CDH8: variants seen among roughly 807,000 people sequenced by gnomAD.
CDH8 encodes cadherin-8.
Under a neutral mutation model 68.1 loss-of-function variants are expected in CDH8, and 17 were observed. The ratio of observed to expected loss-of-function variants is 0.25; its 90% CI spans 0.17 to 0.37. The LOEUF is 0.37. Among genes scored for constraint, CDH8 ranks in the 10% least tolerant of loss-of-function variants. The probability of loss-of-function intolerance (pLI) is 1.00; values close to 1 mark genes in which losing one functional copy is unlikely to be tolerated. For synonymous variants in CDH8, 372 were observed against 365.1 expected (o/e 1.02, Z -0.21); for missense variants, 763 against 999.3 (o/e 0.76, Z 3.19).
intron 2 of CDH8, among the ~76,000 whole-genome samples, chr16:61,952,998 G>A (rs1964921675): frequency 6.6e-6 from 1 of 152,072 alleles, no homozygotes; most frequent in Admixed American, 6.5e-5. Flanking sequence ...GAGGATGGTA[G>A]GAGGTAGGGC....
chr16:61,864,946 TGCTTGCCA>T (rs1462896662), intron 3 of CDH8, among the ~76,000 whole-genome samples: 1 of 152,312 alleles, frequency 6.6e-6, no homozygotes, highest in East Asian at 1.9e-4. Context: ...AGGCAGCATG[TGCTTGCCA>T]TTTTGCTTCA....
intron 8 of CDH8, among the ~76,000 whole-genome samples, chr16:61,788,279 T>A (rs1434971140): frequency 2.0e-5 from 3 of 152,098 alleles, no homozygotes. Context: ...ACAGAGATAT[T>A]TCCCCTGTTT....
At chr16:61,822,120 C>T (rs1402432838) in intron 5 of CDH8, among the ~76,000 whole-genome samples, 1 of 136,548 alleles carries the variant, frequency 7.3e-6, no homozygotes, top group African/African-American at 2.7e-5. Flanking sequence ...TTTTTCTTTT[C>T]TTTTCCTTCT....
chr16:61,848,799 G>A (rs1363139394), intron 4 of CDH8, among the ~76,000 whole-genome samples: 1 of 151,986 alleles, frequency 6.6e-6, no homozygotes, highest in Non-Finnish European at 1.5e-5. Flanking sequence ...ACAAATCAAT[G>A]AGATGTAAAG....
At chr16:61,807,532 A>C (rs1478027080) in intron 7 of CDH8, among the ~76,000 whole-genome samples, 4 of 152,278 alleles carry the variant, frequency 2.6e-5, no homozygotes, top group Non-Finnish European at 5.9e-5. Context: ...AATTCAGTAA[A>C]ATTACTTCAT....
chr16:61,897,614 T>A (rs1420518493), intron 3 of CDH8, among the ~76,000 whole-genome samples: 1 of 152,192 alleles, frequency 6.6e-6, no homozygotes, highest in Admixed American at 6.5e-5. Context: ...AGATATAGGC[T>A]TGGCATGAAG....
At chr16:61,765,856 G>T (rs1455270433) in intron 8 of CDH8, among the ~76,000 whole-genome samples, 1 of 151,902 alleles carries the variant, frequency 6.6e-6, no homozygotes, top group Non-Finnish European at 1.5e-5. Context: ...GACTCCATGT[G>T]ATACTGAATT....
At chr16:62,028,493 C>T (rs946877329) in intron 1 of CDH8, among the ~76,000 whole-genome samples, 2 of 152,144 alleles carry the variant, frequency 1.3e-5, no homozygotes, top group Admixed American at 6.5e-5. Flanking sequence ...TCTCCTCCTC[C>T]TTCTTTCCCA....
At chr16:61,750,607 T>C (rs1177709068) in intron 8 of CDH8, among the ~76,000 whole-genome samples, 1 of 152,068 alleles carries the variant, frequency 6.6e-6, no homozygotes, top group Non-Finnish European at 1.5e-5. Context: ...TTGACTCTAG[T>C]TTATTATACA....
At chr16:61,739,735 AAAAG>A (rs1458183637) in intron 8 of CDH8, among the ~76,000 whole-genome samples, 23 of 72,344 alleles carry the variant, frequency 3.2e-4, no homozygotes, top group Middle Eastern at 7.2e-3. Context: ...CTCAAAAAAA[AAAAG>A]AAAAGAAAAG....
chr16:61,938,526 A>G (rs1287795044), intron 2 of CDH8, among the ~76,000 whole-genome samples: 1 of 152,188 alleles, frequency 6.6e-6, no homozygotes, highest in Non-Finnish European at 1.5e-5. Context: ...TTGCAAATAT[A>G]CTTGCTAAAT....
At chr16:61,997,691 A>G (rs1965828349) in intron 2 of CDH8, among the ~76,000 whole-genome samples, 1 of 152,144 alleles carries the variant, frequency 6.6e-6, no homozygotes, top group African/African-American at 2.4e-5. Flanking sequence ...TAGCATCATC[A>G]ATATTGAGAT....
chr16:61,685,528 T>TTTTCCC (rs1352216010), intron 10 of CDH8, among the ~76,000 whole-genome samples: 2 of 151,958 alleles, frequency 1.3e-5, no homozygotes, highest in Non-Finnish European at 2.9e-5. Flanking sequence ...AAGAAGCTTT[T>TTTTCCC]TGTTAAGTTT....
chr16:61,768,619 C>A (rs181616450), intron 8 of CDH8, among the ~76,000 whole-genome samples: 1 of 151,530 alleles, frequency 6.6e-6, no homozygotes. Context: ...AATTATAATG[C>A]CAATGTATTT....
chr16:62,011,303 G>T (rs1053081737), intron 2 of CDH8, among the ~76,000 whole-genome samples: 1 of 152,168 alleles, frequency 6.6e-6, no homozygotes, highest in African/African-American at 2.4e-5. Context: ...ACAGTTAATA[G>T]TTCTCACTGA....
chr16:62,020,668 A>G (rs1250603908), intron 2 of CDH8, among the ~76,000 whole-genome samples: 7 of 152,186 alleles, frequency 4.6e-5, no homozygotes, highest in Non-Finnish European at 1.0e-4. Flanking sequence ...ATCCTAGGTC[A>G]ATTATTGAAA....
At chr16:61,801,516 G>A (rs1447244127) in intron 7 of CDH8, among the ~76,000 whole-genome samples, 1 of 152,168 alleles carries the variant, frequency 6.6e-6, no homozygotes, top group Non-Finnish European at 1.5e-5. Flanking sequence ...CGTGAGCGAC[G>A]CAGAAGACGG....
intron 10 of CDH8, among the ~76,000 whole-genome samples, chr16:61,699,868 G>A (rs1964390346): frequency 6.6e-6 from 1 of 152,188 alleles, no homozygotes; most frequent in Admixed American, 6.5e-5. Context: ...GAGCCACCGT[G>A]CCCGGCCCAC....
intron 8 of CDH8, among the ~76,000 whole-genome samples, chr16:61,743,878 A>C (rs1239894866): frequency 2.6e-5 from 4 of 151,916 alleles, no homozygotes; most frequent in Non-Finnish European, 5.9e-5. Flanking sequence ...AAATGTGTTA[A>C]TTTCTTTGTT....
Sources: allele counts gnomAD v4.1 joint callset (sites outside exome capture counted in the v4.1 genomes callset), GRCh38; gene constraint gnomAD v4.1.1; transcripts MANE v1.5; gene names NCBI Gene and HGNC (gene_info 2026-07-23, HGNC 2026-07-21).